The following DPYD variants were observed in gnomAD, a reference collection of about 807,000 sequenced individuals.
DPYD encodes the protein dihydropyrimidine dehydrogenase [NADP(+)].
DPYD carries 109 observed loss-of-function variants against 116.2 expected under a neutral mutation model. The observed-to-expected ratio is 0.94, with a 90% CI of 0.80 to 1.10. DPYD has a LOEUF of 1.10. DPYD is among the 50% of genes least tolerant of loss of function. The pLI is 0.00. For synonymous variants in DPYD, 440 were observed against 432.0 expected (o/e 1.02, Z -0.23); for missense variants, 1,302 against 1,254.5 (o/e 1.04, Z -0.57).
chr1:97,123,090 C>T (rs1652574119), intron 20 of DPYD, among the ~76,000 whole-genome samples: 1 of 152,018 alleles, frequency 6.6e-6, no homozygotes. Context: ...AAACATGATG[C>T]TGACACATTT....
At chr1:97,759,728 T>C (rs1241442855) in intron 3 of DPYD, among the ~76,000 whole-genome samples, 2 of 152,166 alleles carry the variant, frequency 1.3e-5, no homozygotes, top group East Asian at 3.8e-4. Flanking sequence ...ATACTGTTAC[T>C]AAAGGCATGA....
intron 20 of DPYD, among the ~76,000 whole-genome samples, chr1:97,142,547 G>A (rs1654303549): frequency 6.6e-6 from 1 of 152,084 alleles, no homozygotes; most frequent in South Asian, 2.1e-4. Flanking sequence ...TCTTTGGAAA[G>A]CATATCTCCG....
chr1:97,442,199 C>A (rs1471853775), intron 14 of DPYD, among the ~76,000 whole-genome samples: 2 of 151,878 alleles, frequency 1.3e-5, no homozygotes, highest in Non-Finnish European at 2.9e-5. Flanking sequence ...ATTCTAGCCT[C>A]CTCAACTCAG....
chr1:97,319,083 T>A, intron 16 of DPYD, among the ~76,000 whole-genome samples: 1 of 80,546 alleles, frequency 1.2e-5, no homozygotes, highest in Non-Finnish European at 2.5e-5. Context: ...TTCAAAGCAG[T>A]GTGTAGAGGG....
intron 8 of DPYD, among the ~76,000 whole-genome samples, chr1:97,653,816 A>G (rs1658733179): frequency 6.6e-6 from 1 of 152,178 alleles, no homozygotes; most frequent in Non-Finnish European, 1.5e-5. Context: ...CTATCCTTCC[A>G]GACACACATA....
chr1:97,228,672 T>C (rs1246637937), intron 19 of DPYD, among the ~76,000 whole-genome samples: 1 of 152,192 alleles, frequency 6.6e-6, no homozygotes, highest in African/African-American at 2.4e-5. Flanking sequence ...TAAATCAATT[T>C]CATTTGTCTG....
At chr1:97,667,137 A>T (rs1249159462) in intron 8 of DPYD, among the ~76,000 whole-genome samples, 1 of 152,154 alleles carries the variant, frequency 6.6e-6, no homozygotes, top group Non-Finnish European at 1.5e-5. Flanking sequence ...CAACATACAA[A>T]ATATTTGATA....
chr1:97,468,818 G>T (rs1276591232), intron 13 of DPYD, among the ~76,000 whole-genome samples: 1 of 152,138 alleles, frequency 6.6e-6, no homozygotes, highest in Non-Finnish European at 1.5e-5. Flanking sequence ...TGATTTTCCT[G>T]CTAAGTTTTA....
chr1:97,089,463 G>C (rs1037730048), intron 21 of DPYD, among the ~76,000 whole-genome samples: 1 of 152,160 alleles, frequency 6.6e-6, no homozygotes, highest in African/African-American at 2.4e-5. Flanking sequence ...TCTAGCACAG[G>C]TGAACCTGTA....
intron 5 of DPYD, chr1:97,720,037 G>C: frequency 1.0e-6 from 1 of 984,940 alleles, no homozygotes; most frequent in Non-Finnish European, 1.2e-6. Flanking sequence ...CTCTGGGAAT[G>C]AGTGGTAGAA....
intron 16 of DPYD, among the ~76,000 whole-genome samples, chr1:97,333,331 T>G (rs537066709): frequency 1.3e-5 from 2 of 152,196 alleles, no homozygotes; most frequent in South Asian, 4.1e-4. Flanking sequence ...CAGAGCTGCT[T>G]CTTTATAATG....
intron 16 of DPYD, among the ~76,000 whole-genome samples, chr1:97,361,311 A>G (rs1025114592): frequency 6.6e-6 from 1 of 152,236 alleles, no homozygotes; most frequent in African/African-American, 2.4e-5. Context: ...GGCAATAATT[A>G]ATAGCCTACC....
At chr1:97,708,037 C>T (rs891317864) in intron 5 of DPYD, among the ~76,000 whole-genome samples, 3 of 152,016 alleles carry the variant, frequency 2.0e-5, no homozygotes, top group African/African-American at 7.2e-5. Context: ...GAGAGTCTCA[C>T]TATGCTCCCC....
At chr1:97,200,901 C>G (rs887487575) in intron 19 of DPYD, among the ~76,000 whole-genome samples, 2 of 152,032 alleles carry the variant, frequency 1.3e-5, no homozygotes, top group Non-Finnish European at 2.9e-5. Context: ...TACAGCAGTT[C>G]TAAGAGAAAG....
intron 8 of DPYD, among the ~76,000 whole-genome samples, chr1:97,651,369 T>A (rs1053648642): frequency 2.6e-5 from 4 of 152,296 alleles, no homozygotes; most frequent in African/African-American, 9.6e-5. Flanking sequence ...GTGTTTTCAT[T>A]TTTCACATGT....
At chr1:97,122,261 G>A (rs1300816268) in intron 20 of DPYD, among the ~76,000 whole-genome samples, 1 of 152,064 alleles carries the variant, frequency 6.6e-6, no homozygotes, top group Non-Finnish European at 1.5e-5. Flanking sequence ...TTATTTTATT[G>A]GGTAACCAGG....
intron 2 of DPYD, among the ~76,000 whole-genome samples, chr1:97,835,167 C>CTA (rs751504743): frequency 1.3e-5 from 2 of 151,942 alleles, no homozygotes; most frequent in Non-Finnish European, 2.9e-5. Flanking sequence ...GAGGTAGGAG[C>CTA]TATGCAGAGA....
At chr1:97,719,656 G>T (rs1662812770) in intron 5 of DPYD, 2 of 955,236 alleles carry the variant, frequency 2.1e-6, no homozygotes, top group African/African-American at 1.8e-5. Flanking sequence ...TTTGACAGTT[G>T]GGTAAATTTA....
chr1:97,830,667 G>A (rs577868823), intron 2 of DPYD, among the ~76,000 whole-genome samples: 24 of 150,688 alleles, frequency 1.6e-4, no homozygotes, highest in Non-Finnish European at 2.4e-4. Context: ...CTGAGTTCGC[G>A]CCACGGCACT....
Sources: allele counts gnomAD v4.1 joint callset (sites outside exome capture counted in the v4.1 genomes callset), GRCh38; gene constraint gnomAD v4.1.1; transcripts MANE v1.5; gene names NCBI Gene and HGNC (gene_info 2026-07-23, HGNC 2026-07-21).